The following DDAH1 variants were observed in gnomAD, a reference collection of about 807,000 sequenced individuals.
DDAH1 encodes dimethylarginine dimethylaminohydrolase 1.
Under a neutral mutation model 28.8 loss-of-function variants are expected in DDAH1, and 19 were observed. The ratio of observed to expected loss-of-function variants is 0.66; its 90% CI spans 0.46 to 0.97. DDAH1 has a LOEUF of 0.97. Ranked by LOEUF, DDAH1 falls within the 50% of genes least tolerant of loss-of-function variation. The pLI is 0.00. For synonymous variants in DDAH1, 153 were observed against 154.4 expected (o/e 0.99, Z 0.07); for missense variants, 326 against 375.9 (o/e 0.87, Z 1.10).
chr1:85,567,061 G>C (rs1297199167), intron 1 of DDAH1, among the ~76,000 whole-genome samples: 1 of 152,196 alleles, frequency 6.6e-6, no homozygotes, highest in Admixed American at 6.5e-5. Flanking sequence ...AGAAGAGTCA[G>C]TCTTATTGTT....
rs1654076709 is a variant in DDAH1 at position 85,439,116 on chromosome 1, T to A, written c.303+25627A>T. Among the ~76,000 whole-genome samples, 3 of 152,200 alleles carry A rather than the reference T, an allele frequency of 2.0e-5. No individual in the cohort carries two copies. In the East Asian group the frequency reaches 5.8e-4, roughly 29 times the overall value. ...AAAAATGCTTAATTAATGGTGACTA[T>A]TATAATCAGTCATTGTTATTTCTGC... On this transcript the variant is annotated intron_variant, in intron 1 of 5. Coordinates refer to ENST00000284031, the MANE Select transcript of DDAH1 (RefSeq NM_012137.4).
chr1:85,434,163 T>C (rs906015295), intron 1 of DDAH1, among the ~76,000 whole-genome samples: 9 of 150,326 alleles, frequency 6.0e-5, no homozygotes, highest in African/African-American at 2.3e-4. Flanking sequence ...CATTGTTTTA[T>C]TATTACTTTA....
chr1:85,324,293 T>TAATAATAATAATAATAATAATAAG (rs1647229244), intron 5 of DDAH1, among the ~76,000 whole-genome samples: 1 of 147,572 alleles, frequency 6.8e-6, no homozygotes, highest in Non-Finnish European at 1.5e-5. Context: ...ATAATAATAA[T>TAATAATAATAATAATAATAATAAG]AATAATAAAT....
At chr1:85,390,634 T>C (rs1651501124) in intron 1 of DDAH1, among the ~76,000 whole-genome samples, 1 of 152,138 alleles carries the variant, frequency 6.6e-6, no homozygotes. Flanking sequence ...AGTGCCAGCT[T>C]CTTAGACGGT....
At chr1:85,356,528 T>C (rs1649496378) in intron 2 of DDAH1, among the ~76,000 whole-genome samples, 1 of 152,196 alleles carries the variant, frequency 6.6e-6, no homozygotes, top group Non-Finnish European at 1.5e-5. Context: ...TTAATAATGG[T>C]TAAAATTGCA....
At chr1:85,471,648 G>A (rs1413081790) in intron 2 of DDAH1, among the ~76,000 whole-genome samples, 5 of 152,184 alleles carry the variant, frequency 3.3e-5, no homozygotes, top group Non-Finnish European at 7.3e-5. Flanking sequence ...GTGCTCTTGT[G>A]CCAGGCATTG....
chr1:85,364,736 G>T (rs1021436519), intron 1 of DDAH1, among the ~76,000 whole-genome samples: 2 of 152,030 alleles, frequency 1.3e-5, no homozygotes, highest in Non-Finnish European at 2.9e-5. Context: ...TAGAGACGGG[G>T]TTTCACCCTG....
chr1:85,485,802 A>T (rs1040085457), intron 2 of DDAH1, among the ~76,000 whole-genome samples: 1 of 152,210 alleles, frequency 6.6e-6, no homozygotes, highest in African/African-American at 2.4e-5. Flanking sequence ...TTATGCAAGC[A>T]TGTCTAAATA....
chr1:85,529,631 G>A (rs1225972658), intron 1 of DDAH1, among the ~76,000 whole-genome samples: 1 of 79,180 alleles, frequency 1.3e-5, no homozygotes, highest in Non-Finnish European at 2.8e-5. Context: ...TCTTCATATT[G>A]CCTCACCTGA....
chr1:85,415,005 C>CTTTTTTT lies in DDAH1; in HGVS notation c.303+49731_303+49737dup, dbSNP rs71727580. Among the ~76,000 whole-genome samples, 19 of 57,604 alleles carry CTTTTTTT rather than the reference C, an allele frequency of 3.3e-4. 1 individual carries two copies. The highest frequency in any genetic ancestry group is 9.9e-4 in the South Asian group (1 of 1,010). 37.8% of individuals were successfully genotyped at this position (57,604 alleles called of 152,430 possible). On this transcript the variant is annotated intron_variant, in intron 1 of 5. Coordinates refer to ENST00000284031, the MANE Select transcript of DDAH1 (RefSeq NM_012137.4). ...CGAAAATCAAATATTTCAAGTGTTG[C>CTTTTTTT]TTTTTTTTTTTTTTTTTTTTTTTTT...
chr1:85,444,315 G>A lies in DDAH1; in HGVS notation c.303+20428C>T, dbSNP rs370720575. ...TGGTTCTGTTTACAGGATGGATTACGTTTATTGATTTGCATTTGTAGAACC... is the reference window on the plus strand; with the variant it reads ...TGGTTCTGTTTACAGGATGGATTACATTTATTGATTTGCATTTGTAGAACC... On this transcript the variant is annotated intron_variant, in intron 1 of 5. Coordinates refer to ENST00000284031, the MANE Select transcript of DDAH1 (RefSeq NM_012137.4). Among the ~76,000 whole-genome samples, 20 of 152,236 alleles carry A rather than the reference G, an allele frequency of 1.3e-4. No individual in the cohort carries two copies. The East Asian group carries it at 2.1e-3, about 16-fold the overall frequency.
chr1:85,402,931 T>A (rs1019942020), intron 1 of DDAH1, among the ~76,000 whole-genome samples: 100 of 150,416 alleles, frequency 6.6e-4, no homozygotes, highest in African/African-American at 2.3e-3. Flanking sequence ...AAAAAACTTC[T>A]GACAATTCTC....
At chr1:85,402,435 CAA>C (rs1156478413) in intron 1 of DDAH1, among the ~76,000 whole-genome samples, 5 of 152,038 alleles carry the variant, frequency 3.3e-5, no homozygotes, top group Admixed American at 1.3e-4. Context: ...TTCTTATAGA[CAA>C]AATATTTTCA....
chr1:85,324,951 T>A, intron 4 of DDAH1, 68 bp from the exon 5 acceptor site: 1 of 1,572,458 alleles, frequency 6.4e-7, no homozygotes, highest in Non-Finnish European at 8.7e-7. Flanking sequence ...AGGAAGGCAG[T>A]GTGGTAGGAT....
rs370289640 is a variant in DDAH1, at chr1:85,374,759, A to G, written c.304-15912T>C. On this transcript the variant is annotated intron_variant, in intron 1 of 5. Transcript: ENST00000284031. ...ATACTATAAGCACAAACATAGTTAA[A>G]TAGAACACAGGGTACTATTATAAAC... 4.6e-5 allele frequency among the ~76,000 whole-genome samples: 7 copies of G among 152,292 alleles called. No homozygotes were observed. In the East Asian group the frequency reaches 1.2e-3, roughly 25 times the overall value.
At position 85,339,970 on chromosome 1, in the gene DDAH1, C is replaced by CT. The variant is rs938680569; in HGVS notation, c.597+10444dup. On this transcript the variant is annotated intron_variant, in intron 4 of 5. Coordinates refer to ENST00000284031, the MANE Select transcript of DDAH1 (RefSeq NM_012137.4). ...CTCAGCCCATGAGACAGAAATCATC[C>CT]TTTTTTTTTAAATCTTTTGCCAAAT... Among the ~76,000 whole-genome samples the CT allele has an allele frequency of 1.6e-4, 24 of 151,690 alleles. No homozygotes were observed. In the Middle Eastern group the frequency reaches 0.01, roughly 64 times the overall value.
intron 1 of DDAH1, among the ~76,000 whole-genome samples, chr1:85,402,064 C>T (rs1367264394): frequency 6.6e-6 from 1 of 151,992 alleles, no homozygotes; most frequent in African/African-American, 2.4e-5. Flanking sequence ...CAGCTCACTA[C>T]AGCCTCAAAC....
chr1:85,546,988 C>G (rs952928202), intron 1 of DDAH1, among the ~76,000 whole-genome samples: 1 of 152,096 alleles, frequency 6.6e-6, no homozygotes, highest in Admixed American at 6.6e-5. Context: ...ACCCTGTACT[C>G]TGGGGATTGA....
At chr1:85,513,320 C>A (rs1657314513) in intron 1 of DDAH1, among the ~76,000 whole-genome samples, 4 of 152,294 alleles carry the variant, frequency 2.6e-5, no homozygotes, top group Middle Eastern at 6.8e-3. Flanking sequence ...GAAACTGGAT[C>A]CCTTCCTTAT....
Sources: gnomAD v4.1 joint callset for allele counts (sites outside exome capture counted in the v4.1 genomes callset) on GRCh38, gnomAD v4.1.1 for gene constraint, MANE v1.5 for transcripts, NCBI Gene and HGNC (gene_info 2026-07-23, HGNC 2026-07-21) for gene names.